Variants in CAMTA1 observed in about 807,000 individuals in gnomAD.
CAMTA1 encodes calmodulin-binding transcription activator 1.
A neutral mutation model predicts 170.9 loss-of-function variants in CAMTA1; 27 were observed. The ratio of observed to expected loss-of-function variants is 0.16; its 90% CI spans 0.12 to 0.22. The LOEUF (loss-of-function observed/expected upper bound fraction) is 0.22, where lower values mean the gene tolerates loss of function less well. Ranked by LOEUF, CAMTA1 falls within the 10% of genes least tolerant of loss-of-function variation. The probability of loss-of-function intolerance (pLI) is 1.00; values close to 1 mark genes in which losing one functional copy is unlikely to be tolerated. For missense variants in CAMTA1, 1,619 were observed against 2,217.2 expected (o/e 0.73, Z 5.42); for synonymous variants, 833 against 891.5 (o/e 0.93, Z 1.17).
intron 6 of CAMTA1, among the ~76,000 whole-genome samples, chr1:7,586,342 C>T (rs2095309675): frequency 1.3e-5 from 2 of 152,192 alleles, no homozygotes; most frequent in Non-Finnish European, 2.9e-5. Context: ...GAGTCCTCCC[C>T]GTTATCGCAG....
intron 3 of CAMTA1, among the ~76,000 whole-genome samples, chr1:6,903,712 T>C (rs916271839): frequency 6.6e-6 from 1 of 152,210 alleles, no homozygotes; most frequent in Non-Finnish European, 1.5e-5. Context: ...ACCTCAGTGT[T>C]ACGAAGAAGT....
intron 3 of CAMTA1, among the ~76,000 whole-genome samples, chr1:6,929,890 T>C (rs976376022): frequency 3.9e-5 from 6 of 152,176 alleles, no homozygotes; most frequent in Non-Finnish European, 7.3e-5. Context: ...TGGATGAAAA[T>C]TCTCCTTCGG....
At chr1:7,450,224 C>T (rs1419515886) in intron 5 of CAMTA1, among the ~76,000 whole-genome samples, 1 of 152,182 alleles carries the variant, frequency 6.6e-6, no homozygotes, top group African/African-American at 2.4e-5. Context: ...GTGCTAATTC[C>T]CTCCTCCTTG....
chr1:7,061,117 G>A (rs766984682), intron 3 of CAMTA1, among the ~76,000 whole-genome samples: 5 of 152,220 alleles, frequency 3.3e-5, no homozygotes, highest in Non-Finnish European at 7.3e-5. Flanking sequence ...TTGGCTCGCT[G>A]AGGAGATGTG....
intron 5 of CAMTA1, among the ~76,000 whole-genome samples, chr1:7,425,308 G>A (rs996961369): frequency 2.6e-5 from 4 of 152,136 alleles, no homozygotes; most frequent in African/African-American, 7.2e-5. Context: ...GTGCCCTGAG[G>A]AGAGGCCGCA....
At chr1:7,420,126 A>G (rs1181724737) in intron 5 of CAMTA1, among the ~76,000 whole-genome samples, 1 of 151,918 alleles carries the variant, frequency 6.6e-6, no homozygotes, top group East Asian at 1.9e-4. Context: ...CTGGGCCCGC[A>G]CACCCTCCTG....
chr1:7,147,111 C>T (rs1392793735), intron 4 of CAMTA1, among the ~76,000 whole-genome samples: 4 of 151,952 alleles, frequency 2.6e-5, no homozygotes, highest in Admixed American at 2.6e-4. Flanking sequence ...TGCACACACA[C>T]AAACACACAC....
At chr1:6,982,672 A>G (rs555605817) in intron 3 of CAMTA1, among the ~76,000 whole-genome samples, 9 of 152,230 alleles carry the variant, frequency 5.9e-5, no homozygotes, top group Non-Finnish European at 1.2e-4. Flanking sequence ...CCCTGTCCCC[A>G]CGCAGTTGGC....
intron 5 of CAMTA1, among the ~76,000 whole-genome samples, chr1:7,323,559 A>G (rs543726134): frequency 8.1e-6 from 1 of 123,092 alleles, no homozygotes; most frequent in South Asian, 2.4e-4. Context: ...GTCTCACTCT[A>G]CTACCCAGGC....
At chr1:7,091,120 T>C (rs1641414082) in intron 3 of CAMTA1, among the ~76,000 whole-genome samples, 184 bp from the exon 4 acceptor site, 1 of 151,996 alleles carries the variant, frequency 6.6e-6, no homozygotes. Context: ...GTGTGACAGG[T>C]TGAATGGAAA....
intron 4 of CAMTA1, among the ~76,000 whole-genome samples, chr1:7,154,122 G>A (rs1646733106): frequency 1.3e-5 from 2 of 152,178 alleles, no homozygotes; most frequent in African/African-American, 4.8e-5. Context: ...GTGGGTTTGT[G>A]GCAGGTACTT....
chr1:7,485,935 G>C (rs1043417295), intron 6 of CAMTA1, among the ~76,000 whole-genome samples: 1 of 152,184 alleles, frequency 6.6e-6, no homozygotes, highest in Admixed American at 6.5e-5. Flanking sequence ...CACCTCAGCC[G>C]CCAGCTGTTG....
intron 20 of CAMTA1, among the ~76,000 whole-genome samples, chr1:7,752,199 A>G (rs2096902066): frequency 1.3e-5 from 2 of 152,188 alleles, no homozygotes; most frequent in African/African-American, 4.8e-5. Context: ...GTGACATTTT[A>G]TTTTCAGTCT....
At chr1:7,263,620 C>T (rs11120888) in intron 5 of CAMTA1, among the ~76,000 whole-genome samples, 49,261 of 151,876 alleles carry the variant, frequency 0.32, 8,339 homozygotes, top group South Asian at 0.54. Flanking sequence ...CCCTTTTTCC[C>T]GGGTGTAAGG....
At chr1:6,815,845 G>A (rs1459348993) in intron 1 of CAMTA1, among the ~76,000 whole-genome samples, 1 of 152,130 alleles carries the variant, frequency 6.6e-6, no homozygotes, top group African/African-American at 2.4e-5. Context: ...ATCAGAACTT[G>A]CATTGAAAGA....
intron 1 of CAMTA1, among the ~76,000 whole-genome samples, chr1:6,816,059 A>G (rs1437620869): frequency 6.6e-6 from 1 of 152,160 alleles, no homozygotes; most frequent in Non-Finnish European, 1.5e-5. Context: ...TCCCATCCCC[A>G]GACATTCTGA....
intron 3 of CAMTA1, among the ~76,000 whole-genome samples, chr1:7,085,642 G>A (rs370850435): frequency 6.6e-6 from 1 of 152,262 alleles, no homozygotes; most frequent in Non-Finnish European, 1.5e-5. Context: ...GACCTGACAG[G>A]TTATGTGGGC....
At chr1:7,457,534 T>C (rs2092987398) in intron 5 of CAMTA1, among the ~76,000 whole-genome samples, 1 of 152,150 alleles carries the variant, frequency 6.6e-6, no homozygotes, top group Non-Finnish European at 1.5e-5. Flanking sequence ...TGCCCCTCAG[T>C]GTCCCCGGGC....
intron 4 of CAMTA1, among the ~76,000 whole-genome samples, chr1:7,132,707 C>T (rs1415513229): frequency 2.0e-5 from 3 of 152,060 alleles, no homozygotes; most frequent in Non-Finnish European, 4.4e-5. Flanking sequence ...CCAATAATAA[C>T]GTATTATATA....
Sources: gnomAD v4.1 joint callset for allele counts (sites outside exome capture counted in the v4.1 genomes callset) on GRCh38, gnomAD v4.1.1 for gene constraint, MANE v1.5 for transcripts, NCBI Gene and HGNC (gene_info 2026-07-23, HGNC 2026-07-21) for gene names.